CDH18: variants seen among roughly 807,000 people sequenced by gnomAD.
The protein encoded by CDH18 is cadherin 18, also known as cadherin-18.
CDH18 carries 31 observed loss-of-function variants against 67.9 expected under a neutral mutation model. The ratio of observed to expected loss-of-function variants is 0.46; its 90% CI spans 0.34 to 0.62. The LOEUF (loss-of-function observed/expected upper bound fraction) is 0.62, where lower values mean the gene tolerates loss of function less well. Ranked by LOEUF, CDH18 falls within the 20% of genes least tolerant of loss-of-function variation. The probability of loss-of-function intolerance (pLI) is 0.01; values close to 1 mark genes in which losing one functional copy is unlikely to be tolerated. For missense variants in CDH18, 890 were observed against 975.5 expected (o/e 0.91, Z 1.17); for synonymous variants, 362 against 347.2 (o/e 1.04, Z -0.48).
chr5:19,867,269 A>T (rs1378470821), intron 2 of CDH18, among the ~76,000 whole-genome samples: 1 of 152,114 alleles, frequency 6.6e-6, no homozygotes, highest in East Asian at 1.9e-4. Flanking sequence ...ATTATGTGGG[A>T]CCCTTTAGGA....
intron 2 of CDH18, among the ~76,000 whole-genome samples, chr5:20,100,142 C>A (rs2150575095): frequency 6.6e-6 from 1 of 152,122 alleles, no homozygotes; most frequent in East Asian, 1.9e-4. Flanking sequence ...AGGTCTACTT[C>A]CTAGTGAACA....
intron 1 of CDH18, among the ~76,000 whole-genome samples, chr5:20,401,429 A>C (rs933554429): frequency 2.0e-5 from 3 of 152,168 alleles, no homozygotes; most frequent in African/African-American, 7.2e-5. Flanking sequence ...TCCAACTTTT[A>C]CCTTACATCA....
intron 11 of CDH18, among the ~76,000 whole-genome samples, chr5:19,486,834 T>C (rs1162807740): frequency 2.0e-5 from 3 of 151,842 alleles, no homozygotes; most frequent in Non-Finnish European, 4.4e-5. Flanking sequence ...ATAGAAAGTC[T>C]CAAATGGCAT....
At chr5:20,371,302 A>C (rs1742980098) in intron 1 of CDH18, among the ~76,000 whole-genome samples, 1 of 152,204 alleles carries the variant, frequency 6.6e-6, no homozygotes, top group Non-Finnish European at 1.5e-5. Flanking sequence ...ATGGATCAAC[A>C]GTTCTCTATT....
At chr5:20,321,450 G>A (rs1226730108) in intron 1 of CDH18, among the ~76,000 whole-genome samples, 2 of 151,896 alleles carry the variant, frequency 1.3e-5, no homozygotes, top group Non-Finnish European at 2.9e-5. Flanking sequence ...AGCTTGGGAC[G>A]AATGGAAGGA....
upstream of CDH18, among the ~76,000 whole-genome samples, chr5:19,992,406 G>T (rs1160034788): frequency 6.7e-6 from 1 of 148,862 alleles, no homozygotes; most frequent in Non-Finnish European, 1.5e-5. Flanking sequence ...ATGAAGTCTA[G>T]CTTTAAGTAT....
chr5:19,857,348 T>G (rs531298831), intron 2 of CDH18, among the ~76,000 whole-genome samples: 2 of 152,324 alleles, frequency 1.3e-5, no homozygotes, highest in African/African-American at 4.8e-5. Context: ...TGAGGCCAAT[T>G]TACCACTTAC....
At chr5:20,318,483 G>A (rs1321687963) in intron 1 of CDH18, among the ~76,000 whole-genome samples, 1 of 152,102 alleles carries the variant, frequency 6.6e-6, no homozygotes, top group African/African-American at 2.4e-5. Context: ...TGGGATCCTG[G>A]GGGTGGGGCT....
chr5:19,723,724 A>AT (rs1561150982), intron 4 of CDH18, among the ~76,000 whole-genome samples: 2 of 151,754 alleles, frequency 1.3e-5, no homozygotes, highest in East Asian at 3.9e-4. Context: ...TATTATTATT[A>AT]TTTTTTGAGA....
At chr5:19,544,297 G>T (rs901648554) in intron 8 of CDH18, among the ~76,000 whole-genome samples, 1 of 151,536 alleles carries the variant, frequency 6.6e-6, no homozygotes, top group Admixed American at 6.6e-5. Flanking sequence ...GAGACCAAAA[G>T]AACTCACCTC....
intron 9 of CDH18, among the ~76,000 whole-genome samples, chr5:19,529,830 G>T (rs1395725143): frequency 6.6e-6 from 1 of 152,056 alleles, no homozygotes; most frequent in African/African-American, 2.4e-5. Flanking sequence ...TTTACTCATG[G>T]ATAAAATGCT....
At chr5:20,383,892 C>A (rs532124773) in intron 1 of CDH18, among the ~76,000 whole-genome samples, 3 of 152,092 alleles carry the variant, frequency 2.0e-5, no homozygotes, top group African/African-American at 7.2e-5. Flanking sequence ...GACTATAATA[C>A]AGGAATTGAT....
rs190701582 is a variant in CDH18, at chr5:20,064,742, C to T, written c.-517-72728G>A. On this transcript the variant is annotated intron_variant, in intron 2 of 14. Transcript: ENST00000507958. ...AACTTCTATTGAAAGTTAAACAGAA[C>T]AGTATTAAACAGAACAGTGTCTTCA... Among the ~76,000 whole-genome samples, 403 of 152,036 alleles carry T rather than the reference C, an allele frequency of 2.7e-3. 1 individual carries two copies. Among genetic ancestry groups the T allele is most frequent in the African/African-American group, 9.2e-3 (382 of 41,504 alleles).
At chr5:19,978,869 A>T (rs1230772594) in intron 2 of CDH18, among the ~76,000 whole-genome samples, 1 of 152,142 alleles carries the variant, frequency 6.6e-6, no homozygotes, top group Non-Finnish European at 1.5e-5. Flanking sequence ...GCTCTCTAAT[A>T]GACAACCTTA....
intron 1 of CDH18, among the ~76,000 whole-genome samples, chr5:20,362,012 A>ATGCCAG (rs202001214): frequency 0.02 from 3,107 of 152,256 alleles, 75 homozygotes; most frequent in African/African-American, 0.052. Flanking sequence ...ATTTGCATTC[A>ATGCCAG]TGCCAGAGTC....
intron 7 of CDH18, 110 bp downstream of exon 7, chr5:19,590,947 T>A: frequency 1.7e-6 from 1 of 578,122 alleles, no homozygotes; most frequent in Non-Finnish European, 3.1e-6. Context: ...AGTGACAATA[T>A]TTTATCATTT....
intron 1 of CDH18, among the ~76,000 whole-genome samples, chr5:20,282,234 G>C (rs1207392678): frequency 6.6e-6 from 1 of 152,116 alleles, no homozygotes; most frequent in African/African-American, 2.4e-5. Flanking sequence ...GCCCTGGCCA[G>C]AACTTCCAAC....
chr5:20,240,245 G>C (rs1742795148), intron 2 of CDH18, among the ~76,000 whole-genome samples: 1 of 150,016 alleles, frequency 6.7e-6, no homozygotes, highest in Non-Finnish European at 1.5e-5. Context: ...TAATACATTA[G>C]TTTTTATCAA....
chr5:20,473,239 T>C (rs1439385838), intron 1 of CDH18, among the ~76,000 whole-genome samples: 1 of 152,084 alleles, frequency 6.6e-6, no homozygotes, highest in Non-Finnish European at 1.5e-5. Context: ...AACAAAAAAT[T>C]AAAAAATGCC....
Sources: allele counts gnomAD v4.1 joint callset (sites outside exome capture counted in the v4.1 genomes callset), GRCh38; gene constraint gnomAD v4.1.1; transcripts MANE v1.5; gene names NCBI Gene and HGNC (gene_info 2026-07-23, HGNC 2026-07-21).